Variants in PLCE1 observed in about 807,000 individuals in gnomAD.
PLCE1 encodes the protein 1-phosphatidylinositol 4,5-bisphosphate phosphodiesterase epsilon-1.
Under a neutral mutation model 242.8 loss-of-function variants are expected in PLCE1, and 119 were observed. That is an observed-to-expected ratio of 0.49 (90% CI 0.42 to 0.57). The LOEUF is 0.57. PLCE1 is among the 20% of genes least tolerant of loss of function. The probability of loss-of-function intolerance (pLI) is 0.00; values close to 1 mark genes in which losing one functional copy is unlikely to be tolerated. For synonymous variants in PLCE1, 945 were observed against 1,017.4 expected, an observed-to-expected ratio of 0.93 and a Z score of 1.35; for missense variants, 2,441 against 2,788.8, an observed-to-expected ratio of 0.88 and a Z score of 2.81.
chr10:94,127,692 A>G (rs1383863520), intron 2 of PLCE1, among the ~76,000 whole-genome samples: 1 of 152,204 alleles, frequency 6.6e-6, no homozygotes, highest in African/African-American at 2.4e-5. Flanking sequence ...TAAGTGCCAG[A>G]TGCTGTTCTA....
chr10:94,254,225 A>T lies in PLCE1; in HGVS notation c.3315A>T (p.Ala1105=), dbSNP rs1288340511. 1 of 1,614,074 alleles carries T rather than the reference A, an allele frequency of 6.2e-7. No individual in the cohort carries two copies. Among genetic ancestry groups the T allele is most frequent in the Admixed American group, 1.7e-5 (1 of 60,008 alleles). Reference sequence around the variant, plus strand: ...GAGAGGTAACTGACGATGAGATGGCAACCCGAAAGGCCAAGATGCACAAAG... The same window carrying T: ...GAGAGGTAACTGACGATGAGATGGCTACCCGAAAGGCCAAGATGCACAAAG... ...ESGEVTDDEM[A]TRKAKMHKEC... Residue 1105 remains alanine, a synonymous_variant, in exon 10 of 33, where the codon GCA becomes GCT. Transcript: ENST00000371380.
chr10:94,259,211 G>GTTT, intron 13 of PLCE1, 61 bp downstream of exon 13: 1 of 1,533,766 alleles, frequency 6.5e-7, no homozygotes, highest in Non-Finnish European at 9.0e-7. Flanking sequence ...TAAGGTCAGA[G>GTTT]GTCCAGTCAC....
At chr10:94,074,187 CTTTTTTTT>C (rs1015998359) in intron 2 of PLCE1, among the ~76,000 whole-genome samples, 4 of 123,128 alleles carry the variant, frequency 3.2e-5, no homozygotes, top group Non-Finnish European at 1.7e-5. Context: ...CCAAGCAGTT[CTTTTTTTT>C]TTTTTTTTTT....
intron 21 of PLCE1, among the ~76,000 whole-genome samples, 198 bp from the exon 22 acceptor site, chr10:94,284,650 G>A (rs1193928611): frequency 6.6e-6 from 1 of 152,158 alleles, no homozygotes; most frequent in African/African-American, 2.4e-5. Flanking sequence ...AGGGAAGATG[G>A]AGGATGAATT....
intron 2 of PLCE1, chr10:94,100,470 C>T (rs2045489736): frequency 6.6e-6 from 1 of 152,182 alleles, no homozygotes; most frequent in Non-Finnish European, 1.5e-5. Context: ...CTCATCTAGG[C>T]TGGTTACTTG....
intron 2 of PLCE1, among the ~76,000 whole-genome samples, chr10:94,057,823 A>G (rs1427912618): frequency 2.0e-5 from 3 of 152,152 alleles, no homozygotes; most frequent in Non-Finnish European, 2.9e-5. Context: ...TGGGGTTGCA[A>G]TTCTCACTTG....
chr10:94,022,742 A>C (rs1488342378), intron 1 of PLCE1, among the ~76,000 whole-genome samples: 2 of 152,076 alleles, frequency 1.3e-5, no homozygotes, highest in Non-Finnish European at 2.9e-5. Context: ...TGATATGATG[A>C]AAATAGTGTT....
intron 6 of PLCE1, chr10:94,235,648 G>A (rs1264439910): frequency 1.3e-6 from 1 of 784,572 alleles, no homozygotes; most frequent in African/African-American, 1.9e-5. Flanking sequence ...TCCTTAGGGA[G>A]CCCTGAAATA....
chr10:94,069,223 C>G (rs2044282669), intron 2 of PLCE1, among the ~76,000 whole-genome samples: 1 of 152,202 alleles, frequency 6.6e-6, no homozygotes, highest in Non-Finnish European at 1.5e-5. Flanking sequence ...TAATGCTATA[C>G]AGTTGTCCCC....
intron 13 of PLCE1, among the ~76,000 whole-genome samples, chr10:94,261,916 T>G (rs1453862705): frequency 1.3e-5 from 2 of 151,974 alleles, no homozygotes; most frequent in African/African-American, 4.8e-5. Flanking sequence ...GAATTTCACC[T>G]AAGTCCCCAG....
chr10:94,007,578 T>C (rs910882613), intron 1 of PLCE1, among the ~76,000 whole-genome samples: 13 of 39,378 alleles, frequency 3.3e-4, no homozygotes, highest in East Asian at 2.1e-3. Context: ...TCTCTCTCTT[T>C]TTTTTTTTTT....
chr10:94,227,473 G>A, intron 5 of PLCE1, 22 bp downstream of exon 5: 1 of 1,609,828 alleles, frequency 6.2e-7, no homozygotes, highest in South Asian at 1.1e-5. Context: ...GGGGAATATG[G>A]TTATCTTGGC....
At chr10:94,001,473 G>C (rs1343527839) in intron 1 of PLCE1, among the ~76,000 whole-genome samples, 1 of 152,142 alleles carries the variant, frequency 6.6e-6, no homozygotes, top group Non-Finnish European at 1.5e-5. Flanking sequence ...AAACAGTAAG[G>C]CTGCTATATG....
chr10:94,295,244 A>G (rs1281908580), intron 23 of PLCE1, among the ~76,000 whole-genome samples: 1 of 151,830 alleles, frequency 6.6e-6, no homozygotes, highest in Non-Finnish European at 1.5e-5. Flanking sequence ...TTGGGGTCAG[A>G]CCTCTCAAAC....
chr10:94,010,522 T>A (rs1253037038), intron 1 of PLCE1, among the ~76,000 whole-genome samples: 1 of 152,236 alleles, frequency 6.6e-6, no homozygotes, highest in Non-Finnish European at 1.5e-5. Flanking sequence ...CTCTACCACA[T>A]GGCCAGGCTG....
rs2054124255 is a variant in PLCE1 at position 94,328,936 on chromosome 10, T to C, written c.*993T>C. On this transcript the variant is annotated 3_prime_UTR_variant, in exon 33 of 33. Coordinates refer to ENST00000371380, the MANE Select transcript of PLCE1 (RefSeq NM_016341.4). The stretch of plus-strand genomic sequence containing the variant: ...AATTGCAATGTCTTAACAAGAAACC[T>C]AACAATTTTTTAAAGCAAAAGTAGA... 6.6e-6 allele frequency: 1 copy of C among 152,210 alleles called. No individual in the cohort carries two copies. The highest frequency in any genetic ancestry group is 2.1e-4 in the South Asian group (1 of 4,832). The allele number at this position is 152,210 out of a possible 1,614,324, so 9.4% of individuals were successfully genotyped here.
intron 3 of PLCE1, among the ~76,000 whole-genome samples, chr10:94,145,008 A>G (rs1397906211): frequency 6.6e-6 from 1 of 152,250 alleles, no homozygotes; most frequent in Non-Finnish European, 1.5e-5. Flanking sequence ...GGAAGCCATC[A>G]GAGGGTTTTA....
At chr10:94,206,156 C>T (rs918364149) in intron 4 of PLCE1, among the ~76,000 whole-genome samples, 1 of 152,108 alleles carries the variant, frequency 6.6e-6, no homozygotes, top group African/African-American at 2.4e-5. Flanking sequence ...GAAAGCCTTA[C>T]TGAGAAGCTG....
At chr10:94,214,665 C>A (rs1196813896) in intron 4 of PLCE1, among the ~76,000 whole-genome samples, 3 of 152,178 alleles carry the variant, frequency 2.0e-5, no homozygotes, top group African/African-American at 7.2e-5. Flanking sequence ...TTATTGTTGG[C>A]TGGTTGTCGG....
Sources: gnomAD v4.1 joint callset for allele counts (sites outside exome capture counted in the v4.1 genomes callset) on GRCh38, gnomAD v4.1.1 for gene constraint, MANE v1.5 for transcripts, NCBI Gene and HGNC (gene_info 2026-07-23, HGNC 2026-07-21) for gene names.